The following PCDHGB1 variants were observed in gnomAD, a reference collection of about 807,000 sequenced individuals.
The protein encoded by PCDHGB1 is protocadherin gamma subfamily B, 1.
Under a neutral mutation model 56.6 loss-of-function variants are expected in PCDHGB1, and 34 were observed. The observed-to-expected ratio is 0.60, with a 90% CI of 0.46 to 0.80. The LOEUF is 0.80. PCDHGB1 is among the 30% of genes least tolerant of loss of function. The pLI is 0.00. For synonymous variants in PCDHGB1, 561 were observed against 505.9 expected (o/e 1.11, Z -1.46); for missense variants, 1,278 against 1,204.6 (o/e 1.06, Z -0.90).
Position 141,494,869 on chromosome 5 carries a change from G to A in PCDHGB1, c.2468+4G>A. 6.2e-7 allele frequency: 1 copy of A among 1,614,144 alleles called. No individual in the cohort carries two copies. Among genetic ancestry groups the A allele is most frequent in the Non-Finnish European group, 8.5e-7 (1 of 1,180,010 alleles). On this transcript the variant is annotated splice_donor_region_variant and intron_variant, in intron 2 of 3. Coordinates refer to ENST00000523390, the MANE Select transcript of PCDHGB1 (RefSeq NM_018922.3). The stretch of plus-strand genomic sequence containing the variant: ...CCCAGAGACCCGGCACCAGCGGGTA[G>A]GTGACTGATTCTCCAGCCCACCCTC...
chr5:141,494,510 C>T (rs1462702765), intron 1 of PCDHGB1, among the ~76,000 whole-genome samples: 1 of 152,156 alleles, frequency 6.6e-6, no homozygotes, highest in Non-Finnish European at 1.5e-5. Context: ...TGAATTTTGG[C>T]TCAGGAGTTC....
At chr5:141,361,617 C>T (rs762792613) in intron 1 of PCDHGB1, 3 of 1,613,984 alleles carry the variant, frequency 1.9e-6, no homozygotes, top group South Asian at 1.1e-5. Flanking sequence ...TCGTAGCGAG[C>T]GACCTGAAGC....
At chr5:141,393,722 A>T in intron 1 of PCDHGB1, 1 of 1,613,892 alleles carries the variant, frequency 6.2e-7, no homozygotes, top group Non-Finnish European at 8.5e-7. Context: ...AAATATCAAT[A>T]GCAAAAAGTC....
Position 141,477,864 on chromosome 5 carries a change from G to A in PCDHGB1, c.2410-16943G>A, listed in dbSNP as rs775055164. On this transcript the variant is annotated intron_variant, in intron 1 of 3. Transcript: ENST00000523390. The surrounding 1 kb of genome is among the most constrained non-coding windows in gnomAD (Gnocchi z 4.9). Reference sequence around the variant, plus strand: ...AGCTCGGTGGAGATGCTGCCTCGAGGTACCTCAGCTGGCCACCTAGTGTCA... The same window carrying A: ...AGCTCGGTGGAGATGCTGCCTCGAGATACCTCAGCTGGCCACCTAGTGTCA... 1.2e-6 allele frequency: 2 copies of A among 1,613,122 alleles called. No homozygotes were observed. The highest frequency in any genetic ancestry group is 4.5e-5 in the East Asian group (2 of 44,822).
chr5:141,395,123 TC>T, intron 1 of PCDHGB1: 1 of 1,614,148 alleles, frequency 6.2e-7, no homozygotes, highest in Non-Finnish European at 8.5e-7. Flanking sequence ...ACCTGATCTT[TC>T]CCCAGCCCAA....
chr5:141,470,842 CA>C (rs1300821457), intron 1 of PCDHGB1, among the ~76,000 whole-genome samples: 2 of 152,044 alleles, frequency 1.3e-5, no homozygotes, highest in African/African-American at 4.8e-5. Flanking sequence ...CACACGCCAC[CA>C]TGCTCAGATA....
intron 1 of PCDHGB1, chr5:141,372,461 G>C (rs749088592): frequency 2.5e-6 from 4 of 1,613,922 alleles, no homozygotes; most frequent in Non-Finnish European, 2.5e-6. Context: ...CGGAGCTACA[G>C]TTTCACCTAG....
At chr5:141,450,152 A>G (rs958894990) in intron 1 of PCDHGB1, among the ~76,000 whole-genome samples, 1 of 151,132 alleles carries the variant, frequency 6.6e-6, no homozygotes, top group East Asian at 2.0e-4. Context: ...GACTACAGGC[A>G]TGTGCCACCA....
intron 1 of PCDHGB1, chr5:141,389,977 C>T: frequency 6.2e-7 from 1 of 1,614,054 alleles, no homozygotes; most frequent in South Asian, 1.1e-5. Flanking sequence ...GCCTTGATCT[C>T]AGTGCTCTTC....
intron 1 of PCDHGB1, chr5:141,367,050 A>C (rs1056212964): frequency 1.2e-5 from 4 of 330,762 alleles, no homozygotes; most frequent in African/African-American, 2.2e-5. Context: ...TTAATAGAAA[A>C]GATGTTTTAT....
At position 141,431,418 on chromosome 5, in the gene PCDHGB1, C is replaced by G. The variant is rs571505529; in HGVS notation, c.2410-63389C>G. On this transcript the variant is annotated intron_variant, in intron 1 of 3. Transcript: ENST00000523390. The surrounding 1 kb of genome is among the most constrained non-coding windows in gnomAD (Gnocchi z 4.8). ...CTTACGGCCTCCGACGGGGGCGACC[C>G]GGTGCGCACAGGCACCGCGCGCATC... is the stretch of plus-strand genomic sequence containing the variant. 6.8e-6 allele frequency: 11 copies of G among 1,613,588 alleles called. No homozygotes were observed. In the South Asian group the frequency reaches 1.1e-4, roughly 16 times the overall value.
intron 1 of PCDHGB1, chr5:141,396,086 G>T (rs2093341467): frequency 6.6e-6 from 1 of 152,152 alleles, no homozygotes; most frequent in Non-Finnish European, 1.5e-5. Flanking sequence ...GATGTGAAGT[G>T]GTGAGAATGT....
chr5:141,419,769 CGGT>C, intron 1 of PCDHGB1: 1 of 1,614,006 alleles, frequency 6.2e-7, no homozygotes, highest in Non-Finnish European at 8.5e-7. Context: ...GACAAGGACT[CGGT>C]CCGCCAGCGC....
At chr5:141,381,396 T>C (rs890483811) in intron 1 of PCDHGB1, among the ~76,000 whole-genome samples, 2 of 152,262 alleles carry the variant, frequency 1.3e-5, no homozygotes, top group African/African-American at 4.8e-5. Context: ...AGTTTTACTC[T>C]ATCAACATCA....
Position 141,364,550 on chromosome 5 carries a change from C to A in PCDHGB1, c.2409+11881C>A, listed in dbSNP as rs1257524038. On this transcript the variant is annotated intron_variant, in intron 1 of 3. Coordinates refer to ENST00000523390, the MANE Select transcript of PCDHGB1 (RefSeq NM_018922.3). ...CATCGTCTCCAGAGGTAGGACGCAG[C>A]TTTTTGCCCTGAACCCGCGAAGCGG... The A allele has an allele frequency of 3.1e-6, 5 of 1,613,922 alleles. No homozygotes were observed. The Admixed American group carries it at 5.0e-5, about 16-fold the overall frequency.
chr5:141,453,144 C>T lies in PCDHGB1; in HGVS notation c.2410-41663C>T, dbSNP rs530175947. ...TTGTTTTGTTTTTGAGATAGGGTCT[C>T]GCTATGTCACCCAGGCTGGAGTCCA... On this transcript the variant is annotated intron_variant, in intron 1 of 3. Transcript: ENST00000523390. Among the ~76,000 whole-genome samples, 290 of 152,062 alleles carry T rather than the reference C, an allele frequency of 1.9e-3. 1 individual carries two copies. The highest frequency in any genetic ancestry group is 6.3e-3 in the African/African-American group (260 of 41,478).
rs372065725 is a variant in PCDHGB1 at position 141,371,830 on chromosome 5, C to G, written c.2409+19161C>G. On this transcript the variant is annotated intron_variant, in intron 1 of 3. Coordinates refer to ENST00000523390, the MANE Select transcript of PCDHGB1 (RefSeq NM_018922.3). ...ATTGCGCATGTCAGAGCCTCGGATC[C>G]CGACTTGGGACCTAATGGCCTTGTC... 51 of 1,613,696 alleles carry G rather than the reference C, an allele frequency of 3.2e-5. No homozygotes were observed. Among genetic ancestry groups the G allele is most frequent in the Non-Finnish European group, 4.0e-5 (47 of 1,179,912 alleles).
chr5:141,415,315 G>T (rs201784236), intron 1 of PCDHGB1: 14 of 1,614,208 alleles, frequency 8.7e-6, no homozygotes, highest in African/African-American at 4.0e-5. Context: ...CTTCGTCATC[G>T]TGCTGCTGGC....
At position 141,486,709 on chromosome 5, in the gene PCDHGB1, C is replaced by T; in HGVS notation, c.2410-8098C>T. 6.2e-7 allele frequency: 1 copy of T among 1,614,182 alleles called. No individual in the cohort carries two copies. ...CTTCCTCTTTCATCTCTCTGAACCC[C>T]CAGACAGGAGCTGTTCATGCTACTC... On this transcript the variant is annotated intron_variant, in intron 1 of 3. Coordinates refer to ENST00000523390, the MANE Select transcript of PCDHGB1 (RefSeq NM_018922.3). This position sits in a 1 kb window ranked among gnomAD's most constrained non-coding sequence, Gnocchi z 5.0.
Sources: gnomAD v4.1 joint callset for allele counts (sites outside exome capture counted in the v4.1 genomes callset) on GRCh38, gnomAD v4.1.1 for gene constraint, Gnocchi (gnomAD v3.1) non-coding constraint, MANE v1.5 for transcripts, NCBI Gene and HGNC (gene_info 2026-07-23, HGNC 2026-07-21) for gene names.